Variants in PDE1C observed in about 807,000 individuals in gnomAD.
PDE1C encodes the protein dual specificity calcium/calmodulin-dependent 3',5'-cyclic nucleotide phosphodiesterase 1C.
Under a neutral mutation model 93.1 loss-of-function variants are expected in PDE1C, and 62 were observed. The ratio of observed to expected loss-of-function variants is 0.67; its 90% CI spans 0.54 to 0.82. The LOEUF is 0.82. Among genes scored for constraint, PDE1C ranks in the 40% least tolerant of loss-of-function variants. PDE1C has a pLI of 0.00. For synonymous variants in PDE1C, 325 were observed against 310.1 expected (o/e 1.05, Z -0.50); for missense variants, 742 against 884.6 (o/e 0.84, Z 2.04).
chr7:32,205,848 G>A (rs35835639), intron 2 of PDE1C, among the ~76,000 whole-genome samples: 51,741 of 151,786 alleles, frequency 0.34, 9,390 homozygotes, highest in Admixed American at 0.46. Context: ...TTCACCCCTG[G>A]AGTCATTAAG....
the PDE1C span, among the ~76,000 whole-genome samples, chr7:31,684,712 C>T: frequency 1.6e-4 from 24 of 152,220 alleles, no homozygotes; most frequent in South Asian, 5.0e-3. Flanking sequence ...AAAACCATGA[C>T]GAGATATTAC....
At chr7:32,250,780 A>G (rs892371850) in intron 1 of PDE1C, among the ~76,000 whole-genome samples, 2 of 152,216 alleles carry the variant, frequency 1.3e-5, no homozygotes, top group Non-Finnish European at 2.9e-5. Flanking sequence ...CTTTTCCTGC[A>G]TGAAATCTGT....
intron 2 of PDE1C, among the ~76,000 whole-genome samples, chr7:32,206,276 CA>C (rs888207035): frequency 5.3e-5 from 8 of 151,902 alleles, no homozygotes; most frequent in Non-Finnish European, 8.8e-5. Flanking sequence ...TGCAGAGGAG[CA>C]GGGGGAAAGG....
intron 2 of PDE1C, among the ~76,000 whole-genome samples, chr7:31,884,868 T>C (rs1392141016): frequency 6.6e-6 from 1 of 152,236 alleles, no homozygotes; most frequent in African/African-American, 2.4e-5. Flanking sequence ...CCTTAGATCT[T>C]AATCTATCTT....
the PDE1C span, among the ~76,000 whole-genome samples, chr7:31,719,190 G>C: frequency 6.6e-6 from 1 of 152,180 alleles, no homozygotes; most frequent in African/African-American, 2.4e-5. Flanking sequence ...AATGCTTCCT[G>C]AAGGTAGCCT....
intron 2 of PDE1C, among the ~76,000 whole-genome samples, chr7:32,041,613 GTTAT>G (rs1300842645): frequency 1.3e-5 from 2 of 152,134 alleles, no homozygotes; most frequent in Non-Finnish European, 2.9e-5. Flanking sequence ...TTCTATTTTT[GTTAT>G]TTACTTTTTT....
intron 2 of PDE1C, among the ~76,000 whole-genome samples, chr7:32,196,203 C>T (rs1804602391): frequency 6.6e-6 from 1 of 152,122 alleles, no homozygotes; most frequent in African/African-American, 2.4e-5. Flanking sequence ...TTGTTACAGC[C>T]TTGTGAGGGT....
intron 2 of PDE1C, among the ~76,000 whole-genome samples, chr7:32,037,008 C>T (rs1204248978): frequency 1.3e-5 from 2 of 152,142 alleles, no homozygotes; most frequent in Non-Finnish European, 2.9e-5. Context: ...CAAAGACAGA[C>T]AGATCTAGAT....
chr7:31,617,185 A>C, the PDE1C span, among the ~76,000 whole-genome samples: 1 of 152,322 alleles, frequency 6.6e-6, no homozygotes, highest in Admixed American at 6.5e-5. Context: ...AGCCTGGAGA[A>C]GGGAAGATCC....
intron 1 of PDE1C, among the ~76,000 whole-genome samples, chr7:32,395,573 G>T (rs1784827569): frequency 6.6e-6 from 1 of 152,168 alleles, no homozygotes; most frequent in Non-Finnish European, 1.5e-5. Context: ...CATCCTATCA[G>T]CAAGCTGGGA....
At chr7:32,179,265 C>CTT (rs3079597) in intron 2 of PDE1C, among the ~76,000 whole-genome samples, 4,793 of 131,264 alleles carry the variant, frequency 0.037, 117 homozygotes, top group Admixed American at 0.06. Flanking sequence ...CTGACTTAGT[C>CTT]TTTTTTTTTT....
intron 7 of PDE1C, among the ~76,000 whole-genome samples, chr7:31,853,610 G>A (rs150538943): frequency 5.9e-5 from 9 of 152,302 alleles, no homozygotes; most frequent in African/African-American, 4.8e-5. Flanking sequence ...AAGTTCACAC[G>A]CAAGAGAGTC....
intron 9 of PDE1C, among the ~76,000 whole-genome samples, chr7:31,847,672 C>T (rs1013017710): frequency 2.0e-5 from 3 of 152,076 alleles, no homozygotes; most frequent in African/African-American, 7.2e-5. Context: ...ACTGGTTTCA[C>T]TTCCCAATTC....
intron 1 of PDE1C, among the ~76,000 whole-genome samples, chr7:32,053,996 C>T (rs1001933505): frequency 1.3e-5 from 2 of 151,904 alleles, no homozygotes; most frequent in Non-Finnish European, 2.9e-5. Context: ...AAACAGAGGG[C>T]ATGCCTCATG....
chr7:31,681,714 T>A, the PDE1C span, among the ~76,000 whole-genome samples: 1 of 152,208 alleles, frequency 6.6e-6, no homozygotes, highest in Non-Finnish European at 1.5e-5. Flanking sequence ...GTTCAGTGAA[T>A]GATAATTGAA....
At chr7:31,911,525 G>A (rs1015602603) in intron 2 of PDE1C, among the ~76,000 whole-genome samples, 3 of 152,242 alleles carry the variant, frequency 2.0e-5, no homozygotes, top group Middle Eastern at 3.4e-3. Flanking sequence ...AGTCTCCAAA[G>A]AAGGTAGCAC....
intron 1 of PDE1C, among the ~76,000 whole-genome samples, chr7:32,269,450 T>TTATTG (rs1554298410): frequency 2.0e-5 from 3 of 151,536 alleles, no homozygotes; most frequent in African/African-American, 4.9e-5. Flanking sequence ...TTTTTTGATG[T>TTATTG]TTTTGTTTTG....
chr7:32,201,607 T>C (rs754748986), intron 2 of PDE1C, among the ~76,000 whole-genome samples: 2 of 152,128 alleles, frequency 1.3e-5, no homozygotes, highest in Non-Finnish European at 2.9e-5. Flanking sequence ...GTGGCTGCTC[T>C]GCATGAGAGA....
intron 3 of PDE1C, among the ~76,000 whole-genome samples, chr7:32,095,301 G>A (rs777107136): frequency 6.6e-6 from 1 of 152,190 alleles, no homozygotes; most frequent in Non-Finnish European, 1.5e-5. Flanking sequence ...ACCCTTGTCA[G>A]AGGGAAAAAC....
Sources: allele counts gnomAD v4.1 joint callset (sites outside exome capture counted in the v4.1 genomes callset), GRCh38; gene constraint gnomAD v4.1.1; transcripts MANE v1.5; gene names NCBI Gene and HGNC (gene_info 2026-07-23, HGNC 2026-07-21).